Variants in GSE1 observed in about 807,000 individuals in gnomAD.
GSE1 encodes the protein genetic suppressor element 1.
In GSE1, 32 loss-of-function variants were observed where a neutral mutation model predicts 112.6. The ratio of observed to expected loss-of-function variants is 0.28; its 90% confidence interval spans 0.21 to 0.38. The LOEUF (loss-of-function observed/expected upper bound fraction) is 0.38, where lower values mean the gene tolerates loss of function less well. Ranked by LOEUF, GSE1 falls within the 10% of genes least tolerant of loss-of-function variation. The pLI is 1.00. For missense variants in GSE1, 2,348 were observed against 1,699.2 expected (o/e 1.38, Z -6.71); for synonymous variants, 1,115 against 735.6 (o/e 1.52, Z -8.35).
rs1380514958 is a variant in GSE1 at position 85,648,718 on chromosome 16, C to G, written c.393C>G (p.Thr131=). The G allele has an allele frequency of 1.4e-5, 23 of 1,606,834 alleles. No individual in the cohort carries two copies. The highest frequency in any genetic ancestry group is 2.0e-5 in the Non-Finnish European group (23 of 1,177,262). Residue 131 remains threonine (T), a synonymous_variant, in exon 3 of 16, where the codon ACC becomes ACG. Coordinates refer to ENST00000253458, the MANE Select transcript of GSE1 (RefSeq NM_014615.5). ...TGGTGACCATCGCTCCAACCAAAAC[C>G]GTGAATGGTGTCTGGAGGAGTGAGA... ...PPVVTIAPTK[T]VNGVWRSESR... is the part of the protein sequence containing the mutation.
In GSE1 at chr16:85,170,447, C is replaced by A. The variant is rs563430860; in HGVS notation, c.923C>A (p.Pro308Gln). The A allele has an allele frequency of 8.2e-5, 81 of 985,570 alleles. No individual in the cohort carries two copies. In the African/African-American group the frequency reaches 1.2e-3, roughly 15 times the overall value. The allele number at this position is 985,570 out of a possible 1,614,324, so 61.1% of individuals were successfully genotyped here. ...GCCACTAAGACCCTGGAGAGCAGGC[C>A]GCTGGGGGAGACCCTACGGGGCTTC... The change falls in exon 1 of 3, where the codon CCG (proline) becomes CAG (glutamine). Residue 308 changes from proline (P) to glutamine (Q), a missense_variant. Pro to Gln is a moderately conservative substitution (Grantham distance 76, BLOSUM62 -1). Coordinates refer to the GSE1 transcript ENST00000637419.
chr16:85,647,550 C>T (rs1222952053), intron 2 of GSE1, among the ~76,000 whole-genome samples: 5 of 152,210 alleles, frequency 3.3e-5, no homozygotes, highest in East Asian at 1.9e-4. Context: ...CACCGCACTG[C>T]ATCCCTGCTT....
chr16:85,275,188 G>A (rs1056635299), intron 1 of GSE1, among the ~76,000 whole-genome samples: 5 of 152,208 alleles, frequency 3.3e-5, no homozygotes, highest in African/African-American at 1.2e-4. Context: ...CACGTGGCCT[G>A]AAGTCTTAAC....
At chr16:85,424,189 C>T (rs1300101349) in intron 2 of GSE1, among the ~76,000 whole-genome samples, 2 of 152,266 alleles carry the variant, frequency 1.3e-5, no homozygotes, top group African/African-American at 4.8e-5. Flanking sequence ...TTTGTTCGTT[C>T]ATTGGGGGAC....
At chr16:85,312,673 C>T (rs974814752) in intron 1 of GSE1, among the ~76,000 whole-genome samples, 14 of 151,356 alleles carry the variant, frequency 9.2e-5, no homozygotes, top group African/African-American at 2.9e-4. Context: ...ATGCTATTCA[C>T]TACAGAAGAA....
intron 1 of GSE1, chr16:85,171,941 A>C (rs1158441939): frequency 2.3e-6 from 1 of 431,360 alleles, no homozygotes; most frequent in African/African-American, 2.1e-5. Flanking sequence ...GTTCCGGGGG[A>C]GGTACCCTCC....
At chr16:85,524,973 C>T (rs74031833) in intron 2 of GSE1, among the ~76,000 whole-genome samples, 6,117 of 152,256 alleles carry the variant, frequency 0.04, 358 homozygotes, top group African/African-American at 0.13. Context: ...CCGCCATGCC[C>T]GCTTCCCCTT....
intron 1 of GSE1, among the ~76,000 whole-genome samples, chr16:85,273,606 G>A (rs1429101911): frequency 6.6e-6 from 1 of 152,190 alleles, no homozygotes; most frequent in Non-Finnish European, 1.5e-5. Flanking sequence ...GAACAGGCCA[G>A]TCCATAGGGT....
At chr16:85,277,035 T>C (rs1909437703) in intron 1 of GSE1, among the ~76,000 whole-genome samples, 1 of 152,170 alleles carries the variant, frequency 6.6e-6, no homozygotes, top group African/African-American at 2.4e-5. Flanking sequence ...GAGGATCGGA[T>C]GGCATCTTCA....
chr16:85,583,796 G>C (rs1020201260), intron 1 of GSE1, among the ~76,000 whole-genome samples: 1 of 152,188 alleles, frequency 6.6e-6, no homozygotes, highest in African/African-American at 2.4e-5. Flanking sequence ...CGAGAAATGA[G>C]GCCTGACCCA....
intron 1 of GSE1, among the ~76,000 whole-genome samples, chr16:85,297,134 C>T (rs1355404209): frequency 6.6e-6 from 1 of 152,232 alleles, no homozygotes; most frequent in African/African-American, 2.4e-5. Context: ...CGCCCTCTAC[C>T]CGGCCAGGCT....
chr16:85,462,953 G>T (rs939644666), intron 2 of GSE1: 4 of 216,078 alleles, frequency 1.9e-5, no homozygotes, highest in South Asian at 3.3e-4. Flanking sequence ...CTCCATCCCC[G>T]TCTCCCCCGC....
intron 1 of GSE1, among the ~76,000 whole-genome samples, chr16:85,185,625 C>T (rs575269192): frequency 1.3e-5 from 2 of 152,254 alleles, no homozygotes; most frequent in Admixed American, 6.5e-5. Flanking sequence ...GCCAGATCTT[C>T]CCAGGACTCA....
At chr16:85,492,602 G>A (rs1302375775) in intron 2 of GSE1, among the ~76,000 whole-genome samples, 1 of 152,224 alleles carries the variant, frequency 6.6e-6, no homozygotes, top group East Asian at 1.9e-4. Context: ...AGGCCGAACA[G>A]CTTGTCTGAG....
At chr16:85,390,460 C>T (rs1245383794) in intron 2 of GSE1, among the ~76,000 whole-genome samples, 1 of 152,146 alleles carries the variant, frequency 6.6e-6, no homozygotes, top group Non-Finnish European at 1.5e-5. Context: ...ATTCTAAGAG[C>T]TAGCTTCGTG....
chr16:85,668,067 A>C, intron 13 of GSE1, 73 bp from the exon 14 acceptor site: 2 of 1,142,594 alleles, frequency 1.8e-6, no homozygotes, highest in Non-Finnish European at 2.5e-6. Flanking sequence ...AGGGCAGAGC[A>C]GAGCTCCCTT....
At chr16:85,518,355 G>C (rs184874159) in intron 2 of GSE1, among the ~76,000 whole-genome samples, 97 of 152,280 alleles carry the variant, frequency 6.4e-4, no homozygotes, top group African/African-American at 2.1e-3. Flanking sequence ...ACAGGACGGT[G>C]CCCTGACCGC....
chr16:85,552,632 T>G (rs1181671082), upstream of GSE1, among the ~76,000 whole-genome samples: 1 of 152,238 alleles, frequency 6.6e-6, no homozygotes, highest in East Asian at 1.9e-4. Flanking sequence ...GCGCTCAGTC[T>G]CAGGTGGACC....
chr16:85,534,683 C>T (rs959103281), intron 2 of GSE1, among the ~76,000 whole-genome samples: 2 of 152,174 alleles, frequency 1.3e-5, no homozygotes, highest in African/African-American at 2.4e-5. Flanking sequence ...GCCGTGAGCT[C>T]GGGTGTGCAA....
Sources: allele counts gnomAD v4.1 joint callset (sites outside exome capture counted in the v4.1 genomes callset), GRCh38; gene constraint gnomAD v4.1.1; transcripts MANE v1.5; gene names NCBI Gene and HGNC (gene_info 2026-07-23, HGNC 2026-07-21).